The following USH2A variants were observed in gnomAD, a reference collection of about 807,000 sequenced individuals.
USH2A encodes Usher syndrome 2A (autosomal recessive, mild).
In USH2A, 443 loss-of-function variants were observed where a neutral mutation model predicts 538.9. The ratio of observed to expected loss-of-function variants is 0.82; its 90% CI spans 0.76 to 0.89. The LOEUF is 0.89. Among genes scored for constraint, USH2A ranks in the 40% least tolerant of loss-of-function variants. The probability of loss-of-function intolerance (pLI) is 0.00; values close to 1 mark genes in which losing one functional copy is unlikely to be tolerated. For missense variants in USH2A, 6,633 were observed against 6,324.8 expected, an observed-to-expected ratio of 1.05 and a Z score of -1.65; for synonymous variants, 2,413 against 2,273.5, an observed-to-expected ratio of 1.06 and a Z score of -1.75.
intron 71 of USH2A, 89 bp from the exon 72 acceptor site, chr1:215,625,959 A>T: frequency 7.5e-7 from 1 of 1,325,852 alleles, no homozygotes; most frequent in Non-Finnish European, 1.1e-6. Flanking sequence ...AAGTGTAAAA[A>T]GTAATAAGTA....
intron 32 of USH2A, among the ~76,000 whole-genome samples, chr1:216,009,880 C>T (rs922464270): frequency 6.6e-6 from 1 of 152,150 alleles, no homozygotes; most frequent in African/African-American, 2.4e-5. Context: ...AAGGTTAATG[C>T]TCCTTTTTCT....
chr1:216,110,673 G>A (rs2032845994), intron 21 of USH2A, among the ~76,000 whole-genome samples: 2 of 152,180 alleles, frequency 1.3e-5, no homozygotes, highest in Admixed American at 1.3e-4. Context: ...GTAATCTACA[G>A]CTATAAAATA....
intron 70 of USH2A, among the ~76,000 whole-genome samples, chr1:215,633,464 C>A (rs1001019549): frequency 2.6e-5 from 4 of 152,198 alleles, no homozygotes; most frequent in Admixed American, 2.0e-4. Context: ...TATGTTGGGG[C>A]TTAACCAGTG....
At chr1:216,007,165 G>T (rs1668413527) in intron 32 of USH2A, among the ~76,000 whole-genome samples, 1 of 152,018 alleles carries the variant, frequency 6.6e-6, no homozygotes, top group South Asian at 2.1e-4. Context: ...TGATTGTGAG[G>T]CCTCCCCAGC....
At chr1:216,349,719 AC>A (rs1387318322) in intron 4 of USH2A, among the ~76,000 whole-genome samples, 7 of 151,820 alleles carry the variant, frequency 4.6e-5, no homozygotes, top group Non-Finnish European at 7.4e-5. Flanking sequence ...CAAACAACCC[AC>A]CCCTTATTCA....
intron 35 of USH2A, among the ~76,000 whole-genome samples, chr1:215,989,017 C>T (rs1484375114): frequency 6.6e-6 from 1 of 152,176 alleles, no homozygotes; most frequent in Non-Finnish European, 1.5e-5. Context: ...GTTTCCTAAG[C>T]CACGCTGGCC....
intron 21 of USH2A, among the ~76,000 whole-genome samples, chr1:216,169,706 C>G (rs79115455): frequency 7.8e-4 from 118 of 152,242 alleles, no homozygotes; most frequent in Non-Finnish European, 1.6e-3. Context: ...TCAGAAAACA[C>G]AGCAGAGTTT....
intron 38 of USH2A, among the ~76,000 whole-genome samples, chr1:215,919,449 C>T (rs1047419149): frequency 2.0e-5 from 3 of 151,914 alleles, no homozygotes; most frequent in Non-Finnish European, 2.9e-5. Context: ...TATAACTTGC[C>T]GAAGCTCTTA....
At chr1:215,642,163 A>G (rs904718096) in intron 67 of USH2A, among the ~76,000 whole-genome samples, 1 of 152,262 alleles carries the variant, frequency 6.6e-6, no homozygotes, top group African/African-American at 2.4e-5. Flanking sequence ...ATAATCGAGA[A>G]TAATGAGTTT....
intron 61 of USH2A, among the ~76,000 whole-genome samples, chr1:215,724,071 GATATCT>G (rs71159882): frequency 0.85 from 128,708 of 150,858 alleles, 56,505 homozygotes; most frequent in Non-Finnish European, 0.97. Flanking sequence ...AACAGAATGT[GATATCT>G]ATATCTATAT....
chr1:216,130,095 T>C (rs114327319), intron 21 of USH2A, among the ~76,000 whole-genome samples: 1,898 of 152,074 alleles, frequency 0.012, 38 homozygotes, highest in African/African-American at 0.044. Context: ...GACCAGAAAG[T>C]ATGAAACTAC....
chr1:215,799,444 C>G (rs1473939405), intron 49 of USH2A, among the ~76,000 whole-genome samples: 1 of 152,118 alleles, frequency 6.6e-6, no homozygotes, highest in African/African-American at 2.4e-5. Context: ...GTGTAATTTT[C>G]TTTTGGAACG....
chr1:215,844,840 G>A (rs1365878917), intron 45 of USH2A, among the ~76,000 whole-genome samples: 1 of 152,112 alleles, frequency 6.6e-6, no homozygotes, highest in Non-Finnish European at 1.5e-5. Flanking sequence ...CCTCCAAGGT[G>A]CAGGGGAGGG....
chr1:215,714,342 A>T (rs2102700915), intron 61 of USH2A, among the ~76,000 whole-genome samples: 1 of 152,310 alleles, frequency 6.6e-6, no homozygotes, highest in East Asian at 1.9e-4. Context: ...GTAAGGCTTT[A>T]GTGGTAGTAA....
intron 38 of USH2A, among the ~76,000 whole-genome samples, chr1:215,929,401 T>C (rs1666309497): frequency 1.3e-5 from 2 of 152,012 alleles, no homozygotes; most frequent in Non-Finnish European, 2.9e-5. Flanking sequence ...GCTTACTTCA[T>C]CATCTAATAT....
chr1:216,378,670 T>C (rs2038878751), intron 3 of USH2A, among the ~76,000 whole-genome samples: 1 of 151,914 alleles, frequency 6.6e-6, no homozygotes, highest in Non-Finnish European at 1.5e-5. Context: ...AATATGTTTC[T>C]TATTTGTTTG....
chr1:215,681,441 T>C (rs187195128), intron 61 of USH2A, among the ~76,000 whole-genome samples: 10 of 152,268 alleles, frequency 6.6e-5, no homozygotes, highest in Non-Finnish European at 1.2e-4. Flanking sequence ...ATATTTACAT[T>C]CAATGATCTG....
chr1:215,866,508 A>C (rs954003214), intron 44 of USH2A, among the ~76,000 whole-genome samples: 1 of 152,190 alleles, frequency 6.6e-6, no homozygotes, highest in African/African-American at 2.4e-5. Flanking sequence ...TCTGAAGATG[A>C]TCCACTGGGA....
At chr1:216,353,263 C>A (rs1571731824) in intron 4 of USH2A, among the ~76,000 whole-genome samples, 1 of 151,884 alleles carries the variant, frequency 6.6e-6, no homozygotes, top group East Asian at 1.9e-4. Flanking sequence ...GGGGTATACA[C>A]TAATCAATAT....
Sources: allele counts gnomAD v4.1 joint callset (sites outside exome capture counted in the v4.1 genomes callset), GRCh38; gene constraint gnomAD v4.1.1; transcripts MANE v1.5; gene names NCBI Gene and HGNC (gene_info 2026-07-23, HGNC 2026-07-21).